Variants in PTPRN2 observed in about 807,000 individuals in gnomAD.
PTPRN2 encodes protein tyrosine phosphatase receptor type N2, also known as receptor-type tyrosine-protein phosphatase N2.
PTPRN2 carries 74 observed loss-of-function variants against 118.8 expected under a neutral mutation model. That is an observed-to-expected ratio of 0.62 (90% confidence interval 0.52 to 0.76). The LOEUF is 0.76. Ranked by LOEUF, PTPRN2 falls within the 30% of genes least tolerant of loss-of-function variation. PTPRN2 has a pLI of 0.00. For synonymous variants in PTPRN2, 641 were observed against 608.0 expected, an observed-to-expected ratio of 1.05 and a Z score of -0.80; for missense variants, 1,481 against 1,394.4, an observed-to-expected ratio of 1.06 and a Z score of -0.99.
intron 12 of PTPRN2, among the ~76,000 whole-genome samples, chr7:157,693,846 G>C (rs1431529158): frequency 1.3e-5 from 2 of 152,196 alleles, no homozygotes; most frequent in African/African-American, 2.4e-5. Context: ...GGAGCTCTCC[G>C]AGGTGGCCAG....
intron 3 of PTPRN2, among the ~76,000 whole-genome samples, chr7:158,265,859 C>T (rs1454260381): frequency 6.6e-6 from 1 of 152,240 alleles, no homozygotes; most frequent in African/African-American, 2.4e-5. Context: ...GCCCACAGAG[C>T]CCCGCCATGG....
intron 12 of PTPRN2, among the ~76,000 whole-genome samples, chr7:157,851,516 G>A (rs955052868): frequency 1.3e-5 from 2 of 149,718 alleles, no homozygotes; most frequent in African/African-American, 5.1e-5. Context: ...CCTCAGTCCA[G>A]CGTCCCTATC....
chr7:158,008,441 T>A (rs950218712), intron 11 of PTPRN2, among the ~76,000 whole-genome samples: 1 of 152,346 alleles, frequency 6.6e-6, no homozygotes, highest in Non-Finnish European at 1.5e-5. Flanking sequence ...GTTCTGTCCT[T>A]CCTCATAAAC....
At chr7:157,975,090 C>T (rs2128821682) in intron 11 of PTPRN2, among the ~76,000 whole-genome samples, 1 of 152,196 alleles carries the variant, frequency 6.6e-6, no homozygotes, top group Non-Finnish European at 1.5e-5. Context: ...AGGGTGCAGC[C>T]CAGGCCCAGC....
intron 11 of PTPRN2, among the ~76,000 whole-genome samples, chr7:158,044,833 A>G (rs1442501239): frequency 6.6e-6 from 1 of 151,288 alleles, no homozygotes; most frequent in African/African-American, 2.5e-5. Context: ...GACTAAGTAC[A>G]AAAGAGTCTG....
intron 1 of PTPRN2, among the ~76,000 whole-genome samples, chr7:158,564,910 T>C (rs953806753): frequency 6.6e-6 from 1 of 152,212 alleles, no homozygotes; most frequent in Admixed American, 6.5e-5. Context: ...AGGAGAAATG[T>C]GCAAGGCTCG....
intron 12 of PTPRN2, among the ~76,000 whole-genome samples, chr7:157,862,308 C>G (rs1810300642): frequency 6.6e-6 from 1 of 152,226 alleles, no homozygotes; most frequent in Non-Finnish European, 1.5e-5. Flanking sequence ...ACAGTTCAGC[C>G]TATAGCATTA....
intron 3 of PTPRN2, among the ~76,000 whole-genome samples, chr7:158,298,327 AAAAT>A (rs2151038669): frequency 6.6e-6 from 1 of 152,340 alleles, no homozygotes; most frequent in South Asian, 2.1e-4. Context: ...AAAAAGGAAT[AAAAT>A]AATATGACAC....
chr7:158,298,792 C>A (rs550698137), intron 3 of PTPRN2, among the ~76,000 whole-genome samples: 3 of 152,352 alleles, frequency 2.0e-5, no homozygotes, highest in Non-Finnish European at 4.4e-5. Context: ...CTCTCCTCTT[C>A]CTGCTGAGCC....
At chr7:158,516,021 A>G (rs1436241084) in intron 1 of PTPRN2, among the ~76,000 whole-genome samples, 3 of 152,100 alleles carry the variant, frequency 2.0e-5, no homozygotes, top group African/African-American at 7.2e-5. Context: ...ACCTACCATG[A>G]TATCCACAGA....
intron 12 of PTPRN2, among the ~76,000 whole-genome samples, chr7:157,708,096 G>A (rs1798423577): frequency 6.6e-6 from 1 of 152,242 alleles, no homozygotes; most frequent in Non-Finnish European, 1.5e-5. Context: ...GCAAGGAAGG[G>A]TCCCTGTAAG....
At chr7:158,274,098 A>G (rs1798760024) in intron 3 of PTPRN2, among the ~76,000 whole-genome samples, 1 of 115,226 alleles carries the variant, frequency 8.7e-6, no homozygotes, top group Non-Finnish European at 1.8e-5. Flanking sequence ...GGAGCTGCAG[A>G]CAGACATGGG....
chr7:158,165,737 G>C (rs1316045517), intron 6 of PTPRN2, among the ~76,000 whole-genome samples: 1 of 152,242 alleles, frequency 6.6e-6, no homozygotes, highest in African/African-American at 2.4e-5. Flanking sequence ...CCCACTGCAG[G>C]ATGGTCTTGG....
chr7:158,013,715 C>T (rs1346249387), intron 11 of PTPRN2, among the ~76,000 whole-genome samples: 3 of 137,068 alleles, frequency 2.2e-5, no homozygotes, highest in African/African-American at 8.3e-5. Context: ...ATCCATCCAT[C>T]CAGCCAGCCA....
intron 6 of PTPRN2, among the ~76,000 whole-genome samples, chr7:158,151,765 A>C: frequency 6.6e-6 from 1 of 151,664 alleles, no homozygotes; most frequent in East Asian, 1.9e-4. Flanking sequence ...ACAAATATTT[A>C]CTGCACATCT....
chr7:158,491,979 C>T (rs1352470287), intron 1 of PTPRN2, among the ~76,000 whole-genome samples: 1 of 152,134 alleles, frequency 6.6e-6, no homozygotes, highest in Non-Finnish European at 1.5e-5. Flanking sequence ...AGGCAGACAC[C>T]ACTCCCCACA....
chr7:158,272,699 G>A (rs372867993), intron 3 of PTPRN2, among the ~76,000 whole-genome samples: 4 of 152,162 alleles, frequency 2.6e-5, no homozygotes, highest in South Asian at 2.1e-4. Flanking sequence ...CGCCACTGCC[G>A]GGATAAGCCC....
rs547094477 is a variant in PTPRN2, at chr7:158,040,334, C to T, written c.1723+40964G>A. ...ACTCACACACACAGATGCACACACA[C>T]GGACACGCACACACATGCATATACA... On this transcript the variant is annotated intron_variant, in intron 11 of 22. Coordinates refer to ENST00000389418, the MANE Select transcript of PTPRN2 (RefSeq NM_002847.5). Among the ~76,000 whole-genome samples the T allele has an allele frequency of 2.6e-4, 39 of 152,100 alleles. No individual in the cohort carries two copies. In the East Asian group the frequency reaches 2.9e-3, roughly 11 times the overall value.
At chr7:158,345,659 A>G (rs1465908918) in intron 2 of PTPRN2, among the ~76,000 whole-genome samples, 2 of 152,224 alleles carry the variant, frequency 1.3e-5, no homozygotes, top group Non-Finnish European at 2.9e-5. Context: ...AAGCAAAATG[A>G]CTTGGTCACA....
Sources: gnomAD v4.1 joint callset for allele counts (sites outside exome capture counted in the v4.1 genomes callset) on GRCh38, gnomAD v4.1.1 for gene constraint, MANE v1.5 for transcripts, NCBI Gene and HGNC (gene_info 2026-07-23, HGNC 2026-07-21) for gene names.